The following CDIN1 variants were observed in gnomAD, a reference collection of about 807,000 sequenced individuals.
CDIN1 encodes the protein CDAN1-interacting nuclease 1.
In CDIN1, 33 loss-of-function variants were observed where a neutral mutation model predicts 45.3. That is an observed-to-expected ratio of 0.73 (90% CI 0.55 to 0.97). The LOEUF is 0.97. CDIN1 is among the 50% of genes least tolerant of loss of function. The pLI, the probability that CDIN1 is intolerant of heterozygous loss-of-function variation, is 0.00. For synonymous variants in CDIN1, 118 were observed against 124.4 expected (o/e 0.95, Z 0.34); for missense variants, 303 against 339.4 (o/e 0.89, Z 0.84).
chr15:36,755,695 A>AT (rs1020975601), intron 10 of CDIN1, among the ~76,000 whole-genome samples: 4 of 151,440 alleles, frequency 2.6e-5, no homozygotes, highest in Non-Finnish European at 5.9e-5. Context: ...TTAAAAAAAA[A>AT]AAAAATCTTG....
intron 1 of CDIN1, among the ~76,000 whole-genome samples, chr15:36,587,384 T>C (rs1815212508): frequency 2.4e-5 from 1 of 42,318 alleles, no homozygotes; most frequent in Non-Finnish European, 5.8e-5. Context: ...CTTAGTCATC[T>C]TCTTGAAATC....
At chr15:36,633,725 T>C (rs146374017) in intron 1 of CDIN1, among the ~76,000 whole-genome samples, 15 of 152,194 alleles carry the variant, frequency 9.9e-5, no homozygotes, top group African/African-American at 3.4e-4. Flanking sequence ...CTGACAATTT[T>C]ATTTACACTA....
chr15:36,659,966 C>CTTTTTTTTTTTTTTTTTTTTTTTTTTTT (rs778988517), intron 5 of CDIN1, among the ~76,000 whole-genome samples: 1 of 105,146 alleles, frequency 9.5e-6, no homozygotes, highest in Admixed American at 1.2e-4. Flanking sequence ...CCTTCCTTTT[C>CTTTTTTTTTTTTTTTTTTTTTTTTTTTT]TTTTTTTTTT....
intron 5 of CDIN1, among the ~76,000 whole-genome samples, chr15:36,676,057 A>T (rs958296387): frequency 6.6e-6 from 1 of 152,146 alleles, no homozygotes; most frequent in Non-Finnish European, 1.5e-5. Flanking sequence ...GATTTTTCTC[A>T]GGAGAATTAG....
chr15:36,708,283 C>T (rs749492286), intron 8 of CDIN1: 7 of 152,050 alleles, frequency 4.6e-5, no homozygotes, highest in Non-Finnish European at 1.0e-4. Context: ...TAAGAGACCA[C>T]ACAGCCTTCC....
chr15:36,759,936 C>A (rs2053713687), intron 10 of CDIN1, among the ~76,000 whole-genome samples: 1 of 152,142 alleles, frequency 6.6e-6, no homozygotes, highest in Non-Finnish European at 1.5e-5. Context: ...CAGGCACCTC[C>A]CACCAGGCCC....
At chr15:36,644,196 C>A (rs2040220217) in intron 1 of CDIN1, 82 bp from the exon 2 acceptor site, 1 of 1,336,934 alleles carries the variant, frequency 7.5e-7, no homozygotes, top group African/African-American at 1.5e-5. Flanking sequence ...GGGCAGCAGG[C>A]CTACCTTTGA....
chr15:36,784,871 G>C (rs990517373), intron 10 of CDIN1, among the ~76,000 whole-genome samples: 10 of 152,276 alleles, frequency 6.6e-5, no homozygotes, highest in African/African-American at 2.4e-4. Flanking sequence ...TGGAATTCCT[G>C]TAAGCTCCAC....
intron 8 of CDIN1, 42 bp from the exon 9 acceptor site, chr15:36,709,181 T>C (rs2140829470): frequency 6.6e-7 from 1 of 1,505,096 alleles, no homozygotes; most frequent in African/African-American, 1.4e-5. Flanking sequence ...ATCTTGTTAA[T>C]TGAATAGTGT....
At position 36,740,820 on chromosome 15, in the gene CDIN1, C is replaced by T. The variant is rs140759158; in HGVS notation, c.716+30859C>T. Among the ~76,000 whole-genome samples, 405 of 150,760 alleles carry T rather than the reference C, an allele frequency of 2.7e-3. 7 individuals are homozygous for T. The highest frequency in any genetic ancestry group is 0.024 in the Admixed American group (367 of 15,128). ...AGGAGAATCGCTTGAACCCAGGAGG[C>T]GGAGGTTACGGTGAGCTGAGATCGC... On this transcript the variant is annotated intron_variant, in intron 10 of 10. Transcript: ENST00000566621.
At chr15:36,704,296 A>T (rs1344649439) in intron 8 of CDIN1, 1 of 152,078 alleles carries the variant, frequency 6.6e-6, no homozygotes, top group Non-Finnish European at 1.5e-5. Context: ...AGTGGCTTTG[A>T]TAAGAGGCTT....
At chr15:36,582,439 G>T (rs1272945448) in intron 1 of CDIN1, among the ~76,000 whole-genome samples, 3 of 152,096 alleles carry the variant, frequency 2.0e-5, no homozygotes, top group Non-Finnish European at 1.5e-5. Context: ...GTTTTGTTTT[G>T]TTTTTCCTGC....
At chr15:36,806,481 T>C (rs2055230578) in intron 10 of CDIN1, among the ~76,000 whole-genome samples, 1 of 152,188 alleles carries the variant, frequency 6.6e-6, no homozygotes, top group African/African-American at 2.4e-5. Flanking sequence ...ACAGTTTTTT[T>C]CTTCCTTTGT....
intron 10 of CDIN1, among the ~76,000 whole-genome samples, chr15:36,762,212 C>T (rs1456900961): frequency 6.6e-6 from 1 of 152,154 alleles, no homozygotes; most frequent in Non-Finnish European, 1.5e-5. Flanking sequence ...ACTTCTTTTT[C>T]CCTCTGTTTC....
chr15:36,745,141 A>G (rs1465226730), intron 10 of CDIN1, among the ~76,000 whole-genome samples: 1 of 152,138 alleles, frequency 6.6e-6, no homozygotes, highest in Non-Finnish European at 1.5e-5. Context: ...TTATAATAAA[A>G]CTAAAGGGAA....
chr15:36,597,233 A>G (rs1297985489), intron 1 of CDIN1, among the ~76,000 whole-genome samples: 2 of 152,206 alleles, frequency 1.3e-5, no homozygotes, highest in East Asian at 3.8e-4. Flanking sequence ...ATAATCTCAG[A>G]AAGGTAAAAT....
chr15:36,596,969 G>A (rs985858158), intron 1 of CDIN1, among the ~76,000 whole-genome samples: 6 of 152,028 alleles, frequency 3.9e-5, no homozygotes, highest in East Asian at 1.9e-4. Context: ...TTTATAACAC[G>A]TGGCAATATT....
chr15:36,674,628 AAAGTGGAAT>A, intron 5 of CDIN1, among the ~76,000 whole-genome samples: 1 of 152,118 alleles, frequency 6.6e-6, no homozygotes, highest in East Asian at 1.9e-4. Flanking sequence ...AAATGCCATT[AAAGTGGAAT>A]AAGTTGCCAA....
chr15:36,594,497 A>G (rs2037724339), intron 1 of CDIN1, among the ~76,000 whole-genome samples: 1 of 152,114 alleles, frequency 6.6e-6, no homozygotes, highest in Admixed American at 6.6e-5. Flanking sequence ...TATTTTATTC[A>G]TGTGATAGCT....
Sources: allele counts gnomAD v4.1 joint callset (sites outside exome capture counted in the v4.1 genomes callset), GRCh38; gene constraint gnomAD v4.1.1; transcripts MANE v1.5; gene names NCBI Gene and HGNC (gene_info 2026-07-23, HGNC 2026-07-21).